Variants in EIF3H observed in about 807,000 individuals in gnomAD.
EIF3H encodes eukaryotic translation initiation factor 3 subunit H.
Under a neutral mutation model 44.2 loss-of-function variants are expected in EIF3H, and 26 were observed. The ratio of observed to expected loss-of-function variants is 0.59; its 90% confidence interval spans 0.43 to 0.82. EIF3H has a LOEUF of 0.82. Among genes scored for constraint, EIF3H ranks in the 40% least tolerant of loss-of-function variants. The pLI is 0.00. For synonymous variants in EIF3H, 166 were observed against 151.9 expected, an observed-to-expected ratio of 1.09 and a Z score of -0.68; for missense variants, 359 against 432.8, an observed-to-expected ratio of 0.83 and a Z score of 1.51.
chr8:116,665,103 T>C (rs1813646729), intron 2 of EIF3H, among the ~76,000 whole-genome samples: 1 of 152,208 alleles, frequency 6.6e-6, no homozygotes. Context: ...CAGCCACCCA[T>C]TTTGAGAGCC....
chr8:116,759,013 A>T (rs2131007627), upstream of EIF3H, among the ~76,000 whole-genome samples: 1 of 152,320 alleles, frequency 6.6e-6, no homozygotes. Flanking sequence ...TAAATAACAG[A>T]TTGTAGCAGA....
chr8:116,735,809 A>G (rs1213179629), intron 1 of EIF3H, among the ~76,000 whole-genome samples: 1 of 151,982 alleles, frequency 6.6e-6, no homozygotes. Flanking sequence ...AGAAAAAAAA[A>G]AAAAACGTAA....
intron 2 of EIF3H, among the ~76,000 whole-genome samples, chr8:116,667,490 T>C (rs1202238174): frequency 6.8e-6 from 1 of 147,974 alleles, no homozygotes; most frequent in Non-Finnish European, 1.5e-5. Context: ...ATTAAGGGGC[T>C]AACAAAATGA....
chr8:116,684,769 A>G (rs1814046172), intron 2 of EIF3H, among the ~76,000 whole-genome samples: 2 of 152,194 alleles, frequency 1.3e-5, no homozygotes, highest in African/African-American at 2.4e-5. Flanking sequence ...TCAAAACAAC[A>G]CAGCATTTTA....
intron 2 of EIF3H, among the ~76,000 whole-genome samples, chr8:116,695,893 T>C (rs571978330): frequency 2.0e-5 from 3 of 152,274 alleles, no homozygotes; most frequent in Admixed American, 1.3e-4. Context: ...GAATTACAAA[T>C]ATGAAAAGGG....
intron 5 of EIF3H, among the ~76,000 whole-genome samples, chr8:116,651,083 G>GT (rs1243619038): frequency 6.6e-6 from 1 of 152,200 alleles, no homozygotes; most frequent in Non-Finnish European, 1.5e-5. Context: ...AGTAATGGTT[G>GT]TAAAACATTG....
Position 116,648,804 on chromosome 8 carries a change from A to G in EIF3H, c.828+2T>C. The G allele has an allele frequency of 6.2e-7, 1 of 1,601,156 alleles. No homozygotes were observed. Among genetic ancestry groups the G allele is most frequent in the Non-Finnish European group, 8.5e-7 (1 of 1,174,454 alleles). On this transcript the variant is annotated splice_donor_variant, in intron 6 of 7. Coordinates refer to ENST00000521861, the MANE Select transcript of EIF3H (RefSeq NM_003756.3). LOFTEE classifies it high-confidence loss of function. Reference sequence around the variant, plus strand: ...TTTGTTGAATTTTTCCACAATACCAACCTGATGTTTCTGCTGCTGTTGTTT... The same window carrying G: ...TTTGTTGAATTTTTCCACAATACCAGCCTGATGTTTCTGCTGCTGTTGTTT...
intron 2 of EIF3H, among the ~76,000 whole-genome samples, chr8:116,681,985 G>T (rs995566638): frequency 1.3e-5 from 2 of 152,198 alleles, no homozygotes; most frequent in East Asian, 3.9e-4. Flanking sequence ...TTCAGTAACG[G>T]AAGTATTTCA....
intron 2 of EIF3H, among the ~76,000 whole-genome samples, chr8:116,707,844 T>G (rs1415449426): frequency 1.3e-5 from 2 of 152,174 alleles, no homozygotes; most frequent in Non-Finnish European, 2.9e-5. Flanking sequence ...GACCCTATTA[T>G]TATTCAGACC....
rs1158929611 is a variant in EIF3H at position 116,752,787 on chromosome 8, GGGAGGGAGGGAAGGAAGGAA to G, written c.132+2859_132+2878del. Among the ~76,000 whole-genome samples, 88 of 27,390 alleles carry G rather than the reference GGGAGGGAGGGAAGGAAGGAA, an allele frequency of 3.2e-3. 2 individuals carry two copies. Among genetic ancestry groups the G allele is most frequent in the African/African-American group, 8.0e-3 (83 of 10,392 alleles). 18.0% of individuals were successfully genotyped at this position (27,390 alleles called of 152,430 possible). A position where few individuals can be genotyped will look rare whatever the true frequency, so the allele number is the denominator to read the frequency against. On this transcript the variant is annotated intron_variant, in intron 1 of 7. Coordinates refer to ENST00000521861, the MANE Select transcript of EIF3H (RefSeq NM_003756.3). ...AGGGAGGGAGGGAGGGAGGGAGGGA[GGGAGGGAGGGAAGGAAGGAA>G]GGAAGGAAGGAAGGAAGGAAGGAAA...
At chr8:116,706,791 C>A (rs910561349) in intron 2 of EIF3H, among the ~76,000 whole-genome samples, 1 of 152,114 alleles carries the variant, frequency 6.6e-6, no homozygotes, top group East Asian at 1.9e-4. Flanking sequence ...GTTATCTGCC[C>A]GCCTCAGCCT....
chr8:116,665,522 T>C (rs907475759), intron 2 of EIF3H, among the ~76,000 whole-genome samples: 3 of 152,066 alleles, frequency 2.0e-5, no homozygotes, highest in African/African-American at 7.2e-5. Flanking sequence ...AATCAGGAGA[T>C]GCAAATAGCT....
intron 6 of EIF3H, among the ~76,000 whole-genome samples, chr8:116,647,443 T>C (rs1187343055): frequency 5.9e-5 from 9 of 152,250 alleles, no homozygotes; most frequent in Non-Finnish European, 1.2e-4. Context: ...ACCTTAGCTC[T>C]ATAACTAAAG....
At position 116,646,588 on chromosome 8, in the gene EIF3H, G is replaced by C; in HGVS notation, c.844C>G (p.Gln282Glu). The change falls in exon 7 of 8, where the codon CAG becomes GAG. Residue 282 changes from glutamine (Q) to glutamate (E), a missense_variant. By Grantham distance (29) the Gln-to-Glu change is conservative (BLOSUM62 2). This residue lies in a region of EIF3H where 94 missense variants were observed against 96.0 expected (regional missense o/e 0.98). Transcript: ENST00000521861. ...CTCTGGCGCTGCATATTCTCCTGCTGGCGACGCTGCTGATACTAAAATTCA... is the reference window on the plus strand; with the variant it reads ...CTCTGGCGCTGCATATTCTCCTGCTCGCGACGCTGCTGATACTAAAATTCA... ...QQKHQYQQRR[Q>E]QENMQRQSRG... 6.2e-7 allele frequency: 1 copy of C among 1,614,028 alleles called. No homozygotes were observed. Among genetic ancestry groups the C allele is most frequent in the Non-Finnish European group, 8.5e-7 (1 of 1,179,970 alleles).
chr8:116,715,991 T>C (rs1257084035), intron 2 of EIF3H, among the ~76,000 whole-genome samples: 1 of 152,106 alleles, frequency 6.6e-6, no homozygotes, highest in African/African-American at 2.4e-5. Context: ...TTATGAAGAC[T>C]GAATCCACTC....
intron 5 of EIF3H, among the ~76,000 whole-genome samples, chr8:116,653,134 A>G (rs1287608805): frequency 6.6e-6 from 1 of 152,090 alleles, no homozygotes; most frequent in Admixed American, 6.6e-5. Flanking sequence ...TAGACCTTAA[A>G]TCTTGGAGGT....
chr8:116,757,184 C>G (rs374455911), upstream of EIF3H, among the ~76,000 whole-genome samples: 3 of 152,058 alleles, frequency 2.0e-5, no homozygotes, highest in Non-Finnish European at 4.4e-5. Context: ...GCCACGTGTG[C>G]TAAACATACT....
intron 2 of EIF3H, among the ~76,000 whole-genome samples, chr8:116,703,947 C>T (rs1021270822): frequency 1.3e-5 from 2 of 152,210 alleles, no homozygotes; most frequent in African/African-American, 4.8e-5. Context: ...GAATCTAATG[C>T]CACAGCTTTT....
chr8:116,757,562 G>A (rs1357337230), upstream of EIF3H, among the ~76,000 whole-genome samples: 1 of 151,732 alleles, frequency 6.6e-6, no homozygotes, highest in African/African-American at 2.4e-5. Flanking sequence ...TTTACAAAGA[G>A]ATACACTCAA....
Sources: allele counts gnomAD v4.1 joint callset (sites outside exome capture counted in the v4.1 genomes callset), GRCh38; gene constraint gnomAD v4.1.1; regional missense constraint gnomAD v4.1.1; transcripts MANE v1.5; gene names NCBI Gene and HGNC (gene_info 2026-07-23, HGNC 2026-07-21).